Variants in LARP1 observed in about 807,000 individuals in gnomAD.
LARP1 encodes la-related protein 1.
A neutral mutation model predicts 122.7 loss-of-function variants in LARP1; 36 were observed. That is an observed-to-expected ratio of 0.29 (90% CI 0.22 to 0.39). The LOEUF is 0.39. Among genes scored for constraint, LARP1 ranks in the 10% least tolerant of loss-of-function variants. LARP1 has a pLI of 1.00. For missense variants in LARP1, 1,040 were observed against 1,403.6 expected (o/e 0.74, Z 4.14); for synonymous variants, 539 against 528.7 (o/e 1.02, Z -0.27).
At chr5:154,799,094 C>A (rs944843769) in intron 8 of LARP1, among the ~76,000 whole-genome samples, 4 of 152,176 alleles carry the variant, frequency 2.6e-5, no homozygotes, top group African/African-American at 9.7e-5. Flanking sequence ...AATCTCTTGA[C>A]CTTGTGATCT....
At chr5:154,789,591 T>C (rs1457160905) in intron 1 of LARP1, among the ~76,000 whole-genome samples, 1 of 152,230 alleles carries the variant, frequency 6.6e-6, no homozygotes, top group Non-Finnish European at 1.5e-5. Context: ...TTCATAACTT[T>C]TCTAAAAATG....
chr5:154,810,260 GC>G (rs1759152566), intron 16 of LARP1, among the ~76,000 whole-genome samples: 1 of 151,020 alleles, frequency 6.6e-6, no homozygotes, highest in African/African-American at 2.4e-5. Context: ...ACATGGTGAA[GC>G]CCCGTCTCTA....
At position 154,790,666 on chromosome 5, in the gene LARP1, A is replaced by G. The variant is rs1757266726; in HGVS notation, c.520A>G (p.Ile174Val). Reference protein sequence around the residue: ...GSKVGDFGDAINWPTPGEIAH... With the variant: ...GSKVGDFGDAVNWPTPGEIAH... ...GCAGGTTGGTGACTTTGGAGATGCA[A>G]TCAATTGGCCCACACCTGGAGAGAT... Residue 174 changes from isoleucine to valine, a missense_variant, in exon 3 of 19, where the codon ATC becomes GTC. Physicochemically the swap from Ile to Val is conservative, Grantham distance 29. Transcript: ENST00000518297. 1.9e-6 allele frequency: 3 copies of G among 1,614,070 alleles called. No homozygotes were observed. Among genetic ancestry groups the G allele is most frequent in the Admixed American group, 1.7e-5 (1 of 60,008 alleles).
At chr5:154,798,857 T>TTGTG (rs1338315282) in intron 8 of LARP1, among the ~76,000 whole-genome samples, 2 of 150,324 alleles carry the variant, frequency 1.3e-5, no homozygotes, top group Non-Finnish European at 1.5e-5. Context: ...GGTTGTTTTT[T>TTGTG]TGTTTGTTTG....
chr5:154,757,019 G>A (rs1753994730), intron 1 of LARP1, among the ~76,000 whole-genome samples: 2 of 148,360 alleles, frequency 1.3e-5, no homozygotes. Context: ...CGCCGCGCCG[G>A]CGGCCCGCGG....
upstream of LARP1, among the ~76,000 whole-genome samples, chr5:154,709,747 C>G (rs1337350760): frequency 6.6e-6 from 1 of 151,688 alleles, no homozygotes; most frequent in Non-Finnish European, 1.5e-5. Flanking sequence ...CACGTATGGA[C>G]TAAAATAAGT....
In LARP1 at chr5:154,800,020, G is replaced by C; in HGVS notation, c.1694G>C (p.Arg565Pro). Reference sequence around the variant, plus strand: ...TGGATTGAAGTGAAGAAGAGGCCTCGGCCATCCCCAGCACGGCCCAAGGTG... The same window carrying C: ...TGGATTGAAGTGAAGAAGAGGCCTCCGCCATCCCCAGCACGGCCCAAGGTG... ...ENWIEVKKRP[R>P]PSPARPKKSE... The change falls in exon 10 of 19, where the codon CGG becomes CCG. Residue 565 changes from arginine (R) to proline (P), a missense_variant. Transcript: ENST00000518297. 1 of 1,613,804 alleles carries C rather than the reference G, an allele frequency of 6.2e-7. No individual in the cohort carries two copies. The highest frequency in any genetic ancestry group is 8.5e-7 in the Non-Finnish European group (1 of 1,180,002).
chr5:154,801,924 A>G, intron 10 of LARP1, 83 bp from the exon 11 acceptor site: 1 of 1,328,978 alleles, frequency 7.5e-7, no homozygotes, highest in Non-Finnish European at 1.0e-6. Flanking sequence ...GAGAGGCTGG[A>G]GCTTCCCTCT....
chr5:154,692,275 C>G (rs774416077), intron 1 of LARP1, among the ~76,000 whole-genome samples: 1 of 152,212 alleles, frequency 6.6e-6, no homozygotes, highest in Non-Finnish European at 1.5e-5. Flanking sequence ...CAGGAGTCTA[C>G]CAGTTCCTAG....
chr5:154,791,347 G>A (rs1045486039), intron 3 of LARP1, among the ~76,000 whole-genome samples: 11 of 152,024 alleles, frequency 7.2e-5, no homozygotes, highest in African/African-American at 2.4e-4. Flanking sequence ...CTGAGTAGCT[G>A]GGATTACAGG....
At chr5:154,797,221 G>GTTTTTTTTTTTTTTTTTTTTTTT (rs1158010359) in intron 8 of LARP1, among the ~76,000 whole-genome samples, 4 of 29,782 alleles carry the variant, frequency 1.3e-4, no homozygotes, top group South Asian at 1.7e-3. Flanking sequence ...TGTTGTTGTT[G>GTTTTTTTTTTTTTTTTTTTTTTT]TTTTTTTTTT....
chr5:154,747,305 CAAAAAA>C (rs1159076798), intron 1 of LARP1, among the ~76,000 whole-genome samples: 43 of 74,594 alleles, frequency 5.8e-4, no homozygotes, highest in African/African-American at 2.2e-3. Flanking sequence ...GACTCTGTCC[CAAAAAA>C]AAAAAAAAAG....
intron 15 of LARP1, among the ~76,000 whole-genome samples, chr5:154,807,156 C>A (rs1402074294): frequency 6.6e-6 from 1 of 152,220 alleles, no homozygotes; most frequent in Non-Finnish European, 1.5e-5. Context: ...CATGTCATAG[C>A]ATGCATCAGT....
chr5:154,793,944 G>A lies in LARP1; in HGVS notation c.1013G>A (p.Arg338His), dbSNP rs2113784765. 1.9e-6 allele frequency: 3 copies of A among 1,613,702 alleles called. No homozygotes were observed. The highest frequency in any genetic ancestry group is 2.5e-6 in the Non-Finnish European group (3 of 1,179,716). ...DGAGGARASF[R>H]GRGRGRGRGR... is the part of the protein sequence containing the mutation. The stretch of plus-strand genomic sequence containing the variant: ...GCTGGTGGGGCGCGGGCTTCCTTCC[G>A]TGGCCGTGGACGGGGGCGTGGTCGC... The change falls in exon 6 of 19, where the codon CGT (arginine) becomes CAT (histidine). Residue 338 changes from arginine to histidine, a missense_variant. Around this residue, in one of 8 missense-constraint regions of LARP1, gnomAD observed 178 missense variants for 178.3 expected, o/e 1.00. Coordinates refer to ENST00000518297, the MANE Select transcript of LARP1 (RefSeq NM_033551.3).
chr5:154,791,994 A>T (rs749940139), intron 3 of LARP1: 4 of 455,752 alleles, frequency 8.8e-6, no homozygotes, highest in African/African-American at 8.0e-5. Flanking sequence ...CTTGATGGCC[A>T]AGTGGGGATT....
intron 18 of LARP1, among the ~76,000 whole-genome samples, chr5:154,813,522 G>A (rs1050502605): frequency 2.6e-5 from 4 of 152,176 alleles, no homozygotes; most frequent in Non-Finnish European, 5.9e-5. Flanking sequence ...TGGAAGGGAA[G>A]CAGAAATGAG....
intron 1 of LARP1, among the ~76,000 whole-genome samples, chr5:154,773,197 CT>C (rs1755584850): frequency 6.6e-6 from 1 of 152,074 alleles, no homozygotes. Flanking sequence ...ATATCTTATA[CT>C]GTACTCACGT....
intron 1 of LARP1, among the ~76,000 whole-genome samples, chr5:154,700,478 G>C (rs910469213): frequency 1.3e-5 from 2 of 152,016 alleles, no homozygotes; most frequent in African/African-American, 2.4e-5. Flanking sequence ...GCTGCAGTGA[G>C]CCATGATCGT....
At chr5:154,786,319 G>T (rs1251483648) in intron 1 of LARP1, among the ~76,000 whole-genome samples, 1 of 152,172 alleles carries the variant, frequency 6.6e-6, no homozygotes, top group Non-Finnish European at 1.5e-5. Flanking sequence ...GGGATTACAG[G>T]CATGAGCCAC....
Sources: gnomAD v4.1 joint callset for allele counts (sites outside exome capture counted in the v4.1 genomes callset) on GRCh38, gnomAD v4.1.1 for gene constraint, gnomAD v4.1.1 regional missense constraint, MANE v1.5 for transcripts, NCBI Gene and HGNC (gene_info 2026-07-23, HGNC 2026-07-21) for gene names.